The following ZNF792 variants were observed in gnomAD, a reference collection of about 807,000 sequenced individuals.
ZNF792 encodes the protein zinc finger protein 792.
In ZNF792, 14 loss-of-function variants were observed where a neutral mutation model predicts 13.1. That is an observed-to-expected ratio of 1.07 (90% CI 0.71 to 1.67). The LOEUF is 1.67. Among genes scored for constraint, ZNF792 ranks in the 40% most tolerant of loss-of-function variants. The pLI is 0.00. For synonymous variants in ZNF792, 257 were observed against 292.0 expected (o/e 0.88, Z 1.22); for missense variants, 740 against 807.9 (o/e 0.92, Z 1.02).
In ZNF792 at chr19:34,958,771, C is replaced by T. The variant is rs1280637822; in HGVS notation, c.1084G>A (p.Gly362Ser). ...NLIQHKRVHT[G>S]EKPYECSDCG... ...TCGCTGCACTCATATGGCTTTTCAC[C>T]AGTGTGAACCCTCTTATGCTGAATG... The change falls in exon 4 of 4, where the codon GGT becomes AGT. Residue 362 changes from glycine to serine, a missense_variant. Physicochemically the swap from Gly to Ser is moderately conservative, Grantham distance 56 (BLOSUM62 0). Transcript: ENST00000404801. 5 of 1,613,966 alleles carry T rather than the reference C, an allele frequency of 3.1e-6. No individual in the cohort carries two copies. In the African/African-American group the frequency reaches 6.7e-5, roughly 22 times the overall value.
Position 34,958,211 on chromosome 19 carries a change from A to G in ZNF792, c.1644T>C (p.Asn548=). The G allele has an allele frequency of 6.2e-7, 1 of 1,611,624 alleles. No homozygotes were observed. The highest frequency in any genetic ancestry group is 8.5e-7 in the Non-Finnish European group (1 of 1,178,146). ...ECGKTFRQRS[N]LRQHLKVHKP... is the part of the protein sequence containing the mutation. ...TGTGAACTTTCAGGTGCTGCCTCAGATTGGACCTCTGCCTGAAGGTTTTCC... is the reference window on the plus strand; with the variant it reads ...TGTGAACTTTCAGGTGCTGCCTCAGGTTGGACCTCTGCCTGAAGGTTTTCC... Residue 548 remains asparagine, a synonymous_variant, in exon 4 of 4, where the codon AAT becomes AAC. Coordinates refer to ENST00000404801, the MANE Select transcript of ZNF792 (RefSeq NM_175872.5).
At chr19:34,961,612 C>T (rs1169581775) in intron 1 of ZNF792, among the ~76,000 whole-genome samples, 1 of 152,146 alleles carries the variant, frequency 6.6e-6, no homozygotes, top group Non-Finnish European at 1.5e-5. Context: ...CCCCTAGCTC[C>T]CCTGGCCTGG....
chr19:34,959,454 CA>C lies in ZNF792; in HGVS notation c.400del (p.Cys134ValfsTer8), dbSNP rs1568552383. The C allele has an allele frequency of 1.2e-6, 2 of 1,614,028 alleles. No homozygotes were observed. The highest frequency in any genetic ancestry group is 2.2e-5 in the East Asian group (1 of 44,884). ...ATLCPQKTCP[C>X]DICGLRLKDI... The stretch of plus-strand genomic sequence containing the variant: ...TTTCAAACGTAGGCCACATATGTCA[CA>C]GGGGCAGGTCTTCTGGGGGCACAGA... On this transcript the variant is annotated frameshift_variant, in exon 4 of 4. Transcript: ENST00000404801. LOFTEE classifies it low-confidence loss of function (END_TRUNC).
At chr19:34,961,310 G>A (rs2013524972) in intron 1 of ZNF792, among the ~76,000 whole-genome samples, 1 of 152,082 alleles carries the variant, frequency 6.6e-6, no homozygotes, top group Non-Finnish European at 1.5e-5. Context: ...AGAGCCCTGG[G>A]GTGAACAGCT....
chr19:34,960,053 G>C (rs968659781), intron 3 of ZNF792, among the ~76,000 whole-genome samples, 182 bp downstream of exon 3: 1 of 152,258 alleles, frequency 6.6e-6, no homozygotes, highest in East Asian at 1.9e-4. Context: ...GCACAGCCAA[G>C]GGGCCCAACT....
chr19:34,960,750 AAAGT>A, intron 2 of ZNF792, 114 bp downstream of exon 2: 1 of 1,496,736 alleles, frequency 6.7e-7, no homozygotes, highest in Non-Finnish European at 9.2e-7. Context: ...ACATACCAGG[AAAGT>A]GGGGATGGAA....
intron 2 of ZNF792, 136 bp downstream of exon 2, chr19:34,960,732 C>T: frequency 7.3e-7 from 1 of 1,371,876 alleles, no homozygotes; most frequent in Non-Finnish European, 1.0e-6. Context: ...CCCCAGAAGC[C>T]ACAACACACA....
In ZNF792 at chr19:34,964,213, G is replaced by A. The variant is rs1002111151; in HGVS notation, c.-551C>T. Among the ~76,000 whole-genome samples, 2 of 152,186 alleles carry A rather than the reference G, an allele frequency of 1.3e-5. No homozygotes were observed. The highest frequency in any genetic ancestry group is 4.8e-5 in the African/African-American group (2 of 41,460). ...TCTGCCCAGCCTCTCGTCAGGCTGAGGGTCCAGGGCGGGAAGGAGAGCGGA... is the reference window on the plus strand; with the variant it reads ...TCTGCCCAGCCTCTCGTCAGGCTGAAGGTCCAGGGCGGGAAGGAGAGCGGA... On this transcript the variant is annotated 5_prime_UTR_variant, in exon 1 of 4. Coordinates refer to ENST00000404801, the MANE Select transcript of ZNF792 (RefSeq NM_175872.5).
chr19:34,958,095 T>A lies in ZNF792; in HGVS notation c.1760A>T (p.Glu587Val), dbSNP rs781417026. Residue 587 changes from glutamate to valine, a missense_variant, in exon 4 of 4, where the codon GAA becomes GTA. Physicochemically the swap from Glu to Val is moderately radical, Grantham distance 121. Coordinates refer to ENST00000404801, the MANE Select transcript of ZNF792 (RefSeq NM_175872.5). Reference sequence around the variant, plus strand: ...AAGGAGCACATTCTCCATGCTCCTTTCTCTGATGTGAATCTTCTGATGCCG... The same window carrying A: ...AAGGAGCACATTCTCCATGCTCCTTACTCTGATGTGAATCTTCTGATGCCG... ...LIRHQKIHIR[E>V]RSMENVLLPC... The A allele has an allele frequency of 6.2e-7, 1 of 1,612,906 alleles. No homozygotes were observed. Among genetic ancestry groups the A allele is most frequent in the Non-Finnish European group, 8.5e-7 (1 of 1,179,382 alleles).
Position 34,959,192 on chromosome 19 carries a change from G to A in ZNF792, c.663C>T (p.Ala221=), listed in dbSNP as rs1386152188. 3.7e-6 allele frequency: 6 copies of A among 1,613,896 alleles called. No homozygotes were observed. In the East Asian group the frequency reaches 1.1e-4, roughly 30 times the overall value. Residue 221 remains alanine, a synonymous_variant, in exon 4 of 4, where the codon GCC becomes GCT. Coordinates refer to ENST00000404801, the MANE Select transcript of ZNF792 (RefSeq NM_175872.5). ...TCREGGKDFV[A]TAGFLQCEVT... is the part of the protein sequence containing the mutation. ...CCTCACACTGCAGAAACCCTGCTGT[G>A]GCCACAAAGTCCTTCCCACCCTCCC...
rs147461785 is a variant in ZNF792, at chr19:34,958,646, G to C, written c.1209C>G (p.Phe403Leu). Residue 403 changes from phenylalanine (F) to leucine (L), a missense_variant, in exon 4 of 4, where the codon TTC becomes TTG. Phe to Leu is a conservative substitution (Grantham distance 22). Transcript: ENST00000404801. ...AHECSECGKS[F>L]NCNSSLIKHW... ...GTTTAATTAGGCTGGAGTTGCAGTT[G>C]AAAGATTTCCCACATTCACTGCACT... The C allele has an allele frequency of 9.6e-5, 155 of 1,613,742 alleles. No individual in the cohort carries two copies. The highest frequency in any genetic ancestry group is 1.3e-4 in the Non-Finnish European group (151 of 1,179,866).
intron 2 of ZNF792, chr19:34,960,600 G>A (rs1403857777): frequency 4.4e-6 from 3 of 676,876 alleles, no homozygotes; most frequent in Non-Finnish European, 4.9e-6. Flanking sequence ...GGGAATGGCC[G>A]AGTCAGAGGT....
In ZNF792 at chr19:34,958,922, C is replaced by A. The variant is rs779609581; in HGVS notation, c.933G>T (p.Glu311Asp). 2.5e-6 allele frequency: 4 copies of A among 1,613,944 alleles called. No homozygotes were observed. Among genetic ancestry groups the A allele is most frequent in the Admixed American group, 1.7e-5 (1 of 59,996 alleles). The change falls in exon 4 of 4, where the codon GAG (glutamate) becomes GAT (aspartate). Residue 311 changes from glutamate (E) to aspartate (D), a missense_variant. Glu to Asp is a conservative substitution (Grantham distance 45). Transcript: ENST00000404801. Reference sequence around the variant, plus strand: ...TGAAGAATTTTCCACATTCACAGCACTCATACGGTTTTCCTCTATTGTGAA... The same window carrying A: ...TGAAGAATTTTCCACATTCACAGCAATCATACGGTTTTCCTCTATTGTGAA... ...QKVHNRGKPY[E>D]CCECGKFFSQ...
rs1174492837 is a variant in ZNF792 at position 34,959,175 on chromosome 19, T to A, written c.680A>T (p.Gln227Leu). 6.2e-7 allele frequency: 1 copy of A among 1,614,034 alleles called. No individual in the cohort carries two copies. The highest frequency in any genetic ancestry group is 8.5e-7 in the Non-Finnish European group (1 of 1,179,898). ...CCCATCGCTGGGAGTGACCTCACAC[T>A]GCAGAAACCCTGCTGTGGCCACAAA... The part of the protein sequence containing the change: ...KDFVATAGFL[Q>L]CEVTPSDGEP... Residue 227 changes from glutamine (Q) to leucine (L), a missense_variant, in exon 4 of 4, where the codon CAG becomes CTG. Gln to Leu is a moderately radical substitution (Grantham distance 113). Coordinates refer to ENST00000404801, the MANE Select transcript of ZNF792 (RefSeq NM_175872.5).
rs1010575049 is a variant in ZNF792, at chr19:34,959,305, C to T, written c.550G>A (p.Val184Ile). The change falls in exon 4 of 4, where the codon GTA becomes ATA. Residue 184 changes from valine to isoleucine, a missense_variant. Val to Ile is a conservative substitution (Grantham distance 29). Coordinates refer to ENST00000404801, the MANE Select transcript of ZNF792 (RefSeq NM_175872.5). ...NLPRKQVQQN[V>I]HNPIRTEEGQ... ...TCCTCCGTTCTGATAGGGTTGTGTA[C>T]GTTCTGCTGCACCTGTTTCCGGGGA... The T allele has an allele frequency of 2.5e-5, 41 of 1,613,912 alleles. No individual in the cohort carries two copies. Among genetic ancestry groups the T allele is most frequent in the Non-Finnish European group, 3.2e-5 (38 of 1,179,902 alleles).
rs141566584 is a variant in ZNF792 at position 34,962,335 on chromosome 19, T to C, written c.33+1295A>G. On this transcript the variant is annotated intron_variant, in intron 1 of 3. Coordinates refer to ENST00000404801, the MANE Select transcript of ZNF792 (RefSeq NM_175872.5). The stretch of plus-strand genomic sequence containing the variant: ...ATGCAAGCCGGGAGTGGGAGAGTTT[T>C]ATAGCAAAAGAAAAGGAAGGCTTCA... Among the ~76,000 whole-genome samples, 5 of 152,322 alleles carry C rather than the reference T, an allele frequency of 3.3e-5. No homozygotes were observed. In the East Asian group the frequency reaches 7.7e-4, roughly 23 times the overall value.
In ZNF792 at chr19:34,957,990, A is replaced by G; in HGVS notation, c.1865T>C (p.Val622Ala). The G allele has an allele frequency of 6.2e-7, 1 of 1,611,984 alleles. No individual in the cohort carries two copies. The highest frequency in any genetic ancestry group is 8.5e-7 in the Non-Finnish European group (1 of 1,178,720). The change falls in exon 4 of 4, where the codon GTT (valine) becomes GCT (alanine). Residue 622 changes from valine (V) to alanine (A), a missense_variant. Physicochemically the swap from Val to Ala is moderately conservative, Grantham distance 64. Coordinates refer to ENST00000404801, the MANE Select transcript of ZNF792 (RefSeq NM_175872.5). Reference protein sequence around the residue: ...QGAVNYKLKLVHPSTHPGEVP With the variant: ...QGAVNYKLKLAHPSTHPGEVP Reference sequence around the variant, plus strand: ...CTCCCCAGGGTGGGTACTTGGATGAACAAGTTTCAACTTGTAGTTGACAGC... The same window carrying G: ...CTCCCCAGGGTGGGTACTTGGATGAGCAAGTTTCAACTTGTAGTTGACAGC...
chr19:34,963,569 C>A, intron 1 of ZNF792, 61 bp downstream of exon 1: 1 of 1,575,696 alleles, frequency 6.3e-7, no homozygotes, highest in East Asian at 2.3e-5. Context: ...TTTTGCGTCT[C>A]AACACCGAGA....
intron 1 of ZNF792, among the ~76,000 whole-genome samples, chr19:34,961,520 C>A (rs1176711113): frequency 6.6e-6 from 1 of 152,108 alleles, no homozygotes; most frequent in African/African-American, 2.4e-5. Flanking sequence ...TCCCAGCCTG[C>A]CCCAGACCTT....
Sources: allele counts gnomAD v4.1 joint callset (sites outside exome capture counted in the v4.1 genomes callset), GRCh38; gene constraint gnomAD v4.1.1; transcripts MANE v1.5; gene names NCBI Gene and HGNC (gene_info 2026-07-23, HGNC 2026-07-21).